Variants in ABCC4 observed in about 807,000 individuals in gnomAD.
ABCC4 encodes ATP binding cassette subfamily C member 4 (PEL blood group), also known as ATP-binding cassette sub-family C member 4.
Under a neutral mutation model 168.5 loss-of-function variants are expected in ABCC4, and 102 were observed. The ratio of observed to expected loss-of-function variants is 0.61; its 90% CI spans 0.52 to 0.71. ABCC4 has a LOEUF of 0.71. Among genes scored for constraint, ABCC4 ranks in the 30% least tolerant of loss-of-function variants. ABCC4 has a pLI of 0.00. For missense variants in ABCC4, 1,402 were observed against 1,605.8 expected, an observed-to-expected ratio of 0.87 and a Z score of 2.17; for synonymous variants, 617 against 590.7, an observed-to-expected ratio of 1.04 and a Z score of -0.65.
intron 1 of ABCC4, among the ~76,000 whole-genome samples, chr13:95,265,931 G>A (rs1483793757): frequency 6.6e-6 from 1 of 152,142 alleles, no homozygotes; most frequent in Non-Finnish European, 1.5e-5. Flanking sequence ...TACACAAAAG[G>A]TCGGGCTGTA....
At chr13:95,162,890 T>C (rs1378625499) in intron 18 of ABCC4, among the ~76,000 whole-genome samples, 5 of 152,254 alleles carry the variant, frequency 3.3e-5, no homozygotes, top group African/African-American at 9.6e-5. Flanking sequence ...GAATGCTCAA[T>C]CCTGGTTTAA....
At chr13:95,216,300 C>T (rs1349974066) in intron 4 of ABCC4, among the ~76,000 whole-genome samples, 1 of 152,056 alleles carries the variant, frequency 6.6e-6, no homozygotes, top group African/African-American at 2.4e-5. Context: ...AGTTCACATC[C>T]AATGTACAGA....
intron 3 of ABCC4, among the ~76,000 whole-genome samples, chr13:95,237,390 A>C (rs966777423): frequency 6.6e-6 from 1 of 152,234 alleles, no homozygotes; most frequent in Non-Finnish European, 1.5e-5. Flanking sequence ...TCTAAATATC[A>C]GTACCAAGGT....
chr13:95,035,104 G>A (rs1483701500), intron 29 of ABCC4, among the ~76,000 whole-genome samples: 1 of 152,132 alleles, frequency 6.6e-6, no homozygotes, highest in East Asian at 1.9e-4. Context: ...GATCAGAGTT[G>A]GGAAACTTCT....
intron 1 of ABCC4, among the ~76,000 whole-genome samples, chr13:95,265,910 G>C (rs1372653629): frequency 6.6e-6 from 1 of 152,172 alleles, no homozygotes; most frequent in Non-Finnish European, 1.5e-5. Context: ...GGGGAAATAA[G>C]GGGCCAAGAT....
At chr13:95,296,183 CAAAA>C (rs773434732) in intron 1 of ABCC4, among the ~76,000 whole-genome samples, 6 of 17,536 alleles carry the variant, frequency 3.4e-4, no homozygotes, top group Admixed American at 1.3e-3. Context: ...CACACACACA[CAAAA>C]ACACAAAATT....
At chr13:95,281,932 C>G (rs964106606) in intron 1 of ABCC4, among the ~76,000 whole-genome samples, 1 of 152,108 alleles carries the variant, frequency 6.6e-6, no homozygotes, top group Admixed American at 6.6e-5. Flanking sequence ...CATGGCAAAA[C>G]CCCGTCTCTA....
Position 95,226,041 on chromosome 13 carries a change from C to T in ABCC4, c.531+8569G>A, listed in dbSNP as rs148100873. 2.4e-3 allele frequency among the ~76,000 whole-genome samples: 354 copies of T among 149,684 alleles called. 18 individuals carry two copies. In the East Asian group the frequency reaches 0.064, roughly 27 times the overall value. Reference sequence around the variant, plus strand: ...GAGGAATAGGTAAATACACTATTTTCTTAGACTGGAAATCTAAATAATGTT... The same window carrying T: ...GAGGAATAGGTAAATACACTATTTTTTTAGACTGGAAATCTAAATAATGTT... On this transcript the variant is annotated intron_variant, in intron 4 of 30. Coordinates refer to ENST00000645237, the MANE Select transcript of ABCC4 (RefSeq NM_005845.5).
At chr13:95,171,032 A>G (rs1455717324) in intron 13 of ABCC4, among the ~76,000 whole-genome samples, 1 of 152,066 alleles carries the variant, frequency 6.6e-6, no homozygotes, top group African/African-American at 2.4e-5. Context: ...ATGATAATTT[A>G]TAATGCACAT....
chr13:95,290,210 G>A (rs2041363024), intron 1 of ABCC4, among the ~76,000 whole-genome samples: 3 of 152,096 alleles, frequency 2.0e-5, no homozygotes, highest in Admixed American at 2.0e-4. Context: ...TGGCCTATAA[G>A]GGGAACAGAC....
rs1361612500 is a variant in ABCC4 at position 95,166,217 on chromosome 13, C to T, written c.1975G>A (p.Val659Ile). Reference protein sequence around the residue: ...LRNRTFSESSVWSQQSSRPSL... With the variant: ...LRNRTFSESSIWSQQSSRPSL... ...GGTCTAGAAGATTGTTGAGACCAAACCGAAGACTCTGAGAAGGTACGATTC... is the reference window on the plus strand; with the variant it reads ...GGTCTAGAAGATTGTTGAGACCAAATCGAAGACTCTGAGAAGGTACGATTC... The change falls in exon 15 of 31, where the codon GTT becomes ATT. Residue 659 changes from valine (V) to isoleucine (I), a missense_variant. By Grantham distance (29) the Val-to-Ile change is conservative. Transcript: ENST00000645237. 4 of 1,614,148 alleles carry T rather than the reference C, an allele frequency of 2.5e-6. No homozygotes were observed. The highest frequency in any genetic ancestry group is 1.7e-4 in the Middle Eastern group (1 of 6,060).
Position 95,163,172 on chromosome 13 carries a change from C to T in ABCC4, c.2258G>A (p.Gly753Glu). 1 of 1,613,344 alleles carries T rather than the reference C, an allele frequency of 6.2e-7. No homozygotes were observed. Among genetic ancestry groups the T allele is most frequent in the Non-Finnish European group, 8.5e-7 (1 of 1,179,512 alleles). The part of the protein sequence containing the change: ...SMLNVTVNGG[G>E]NVTEKLDLNW... Reference sequence around the variant, plus strand: ...AAGATCTAGCTTCTCGGTTACATTTCCTCCTCCATTTACAGTGACATTTAG... The same window carrying T: ...AAGATCTAGCTTCTCGGTTACATTTTCTCCTCCATTTACAGTGACATTTAG... Residue 753 changes from glycine to glutamate, a missense_variant, in exon 18 of 31, where the codon GGA becomes GAA. By Grantham distance (98) the Gly-to-Glu change is moderately conservative. Coordinates refer to ENST00000645237, the MANE Select transcript of ABCC4 (RefSeq NM_005845.5).
intron 1 of ABCC4, chr13:95,266,346 A>C (rs73548810): frequency 0.011 from 1,751 of 152,580 alleles, 29 homozygotes; most frequent in African/African-American, 0.039. Context: ...AAGGACACTA[A>C]GGACGGCCGG....
At chr13:95,083,974 G>T (rs190415609) in intron 20 of ABCC4, among the ~76,000 whole-genome samples, 158 of 152,254 alleles carry the variant, frequency 1.0e-3, no homozygotes, top group African/African-American at 3.6e-3. Flanking sequence ...GAGCAAGCAG[G>T]CATCATAGAC....
chr13:95,060,807 T>C (rs751958675), intron 26 of ABCC4, among the ~76,000 whole-genome samples: 1 of 152,230 alleles, frequency 6.6e-6, no homozygotes, highest in African/African-American at 2.4e-5. Flanking sequence ...CTTAAGGACA[T>C]TCACACTGTT....
intron 20 of ABCC4, among the ~76,000 whole-genome samples, chr13:95,109,467 G>A (rs193213544): frequency 1.3e-5 from 2 of 152,204 alleles, no homozygotes; most frequent in East Asian, 3.9e-4. Context: ...AAAAGTTAAA[G>A]AGAGATTAGA....
chr13:95,131,231 T>A (rs562265913), intron 19 of ABCC4, among the ~76,000 whole-genome samples: 3 of 151,988 alleles, frequency 2.0e-5, no homozygotes, highest in East Asian at 3.9e-4. Flanking sequence ...AATTTTCAAG[T>A]GTAGGATTAA....
intron 27 of ABCC4, among the ~76,000 whole-genome samples, chr13:95,048,203 T>A (rs2032677761): frequency 6.6e-6 from 1 of 152,228 alleles, no homozygotes; most frequent in Non-Finnish European, 1.5e-5. Flanking sequence ...AAACTTAATG[T>A]TTTCTACATT....
At chr13:95,205,558 T>TATCCTATG (rs1465451334) in intron 8 of ABCC4, among the ~76,000 whole-genome samples, 1 of 152,254 alleles carries the variant, frequency 6.6e-6, no homozygotes, top group Non-Finnish European at 1.5e-5. Flanking sequence ...GAGCATACAT[T>TATCCTATG]ATGTGCCAGG....
Sources: gnomAD v4.1 joint callset for allele counts (sites outside exome capture counted in the v4.1 genomes callset) on GRCh38, gnomAD v4.1.1 for gene constraint, MANE v1.5 for transcripts, NCBI Gene and HGNC (gene_info 2026-07-23, HGNC 2026-07-21) for gene names.